Variants in MPPED2 observed in about 807,000 individuals in gnomAD.
The protein encoded by MPPED2 is metallophosphoesterase domain containing 2.
A neutral mutation model predicts 33.0 loss-of-function variants in MPPED2; 5 were observed. The observed-to-expected ratio is 0.15, with a 90% CI of 0.08 to 0.32. The LOEUF (loss-of-function observed/expected upper bound fraction) is 0.32, where lower values mean the gene tolerates loss of function less well. Among genes scored for constraint, MPPED2 ranks in the 10% least tolerant of loss-of-function variants. MPPED2 has a pLI of 1.00. For synonymous variants in MPPED2, 136 were observed against 141.9 expected, an observed-to-expected ratio of 0.96 and a Z score of 0.29; for missense variants, 275 against 372.1, an observed-to-expected ratio of 0.74 and a Z score of 2.15.
chr11:30,492,137 T>G (rs765601334), intron 4 of MPPED2, among the ~76,000 whole-genome samples: 1 of 152,234 alleles, frequency 6.6e-6, no homozygotes, highest in East Asian at 1.9e-4. Context: ...GATATAAACT[T>G]TGTCTGCAGT....
At chr11:30,521,617 T>C (rs1953882003) in intron 3 of MPPED2, among the ~76,000 whole-genome samples, 2 of 152,252 alleles carry the variant, frequency 1.3e-5, no homozygotes, top group Admixed American at 1.3e-4. Flanking sequence ...TTAAAATTAA[T>C]CAGGACACCA....
At chr11:30,546,410 C>T (rs542586357) in intron 2 of MPPED2, among the ~76,000 whole-genome samples, 2 of 152,238 alleles carry the variant, frequency 1.3e-5, no homozygotes, top group Non-Finnish European at 2.9e-5. Flanking sequence ...CTGACCCTAA[C>T]TGACTCTACA....
chr11:30,537,178 G>A (rs900995966), intron 2 of MPPED2, among the ~76,000 whole-genome samples: 33 of 152,138 alleles, frequency 2.2e-4, no homozygotes, highest in African/African-American at 6.8e-4. Flanking sequence ...GGGGTTTGTC[G>A]CAGAGTTAAG....
At chr11:30,582,564 A>G (rs746490810) in intron 1 of MPPED2, among the ~76,000 whole-genome samples, 40 of 152,214 alleles carry the variant, frequency 2.6e-4, no homozygotes, top group Non-Finnish European at 5.4e-4. Context: ...GAGTAAACAC[A>G]CTAATTAAAC....
At position 30,451,773 on chromosome 11, in the gene MPPED2, AG is replaced by A. The variant is rs375897634; in HGVS notation, c.537-34141del. 43 of 985,246 alleles carry A rather than the reference AG, an allele frequency of 4.4e-5. No individual in the cohort carries two copies. The African/African-American group carries it at 5.9e-4, about 14-fold the overall frequency. 61.0% of individuals were successfully genotyped at this position (985,246 alleles called of 1,614,324 possible). On this transcript the variant is annotated intron_variant, in intron 4 of 6. Coordinates refer to ENST00000358117, the MANE Select transcript of MPPED2 (RefSeq NM_001584.3). ...ATTATTATGCAATTTGAGGGGTGGG[AG>A]GGGACATTTTCAGGTGTCTGCGAAT...
intron 6 of MPPED2, among the ~76,000 whole-genome samples, chr11:30,411,888 C>T (rs1590170730): frequency 6.6e-6 from 1 of 151,550 alleles, no homozygotes; most frequent in African/African-American, 2.4e-5. Flanking sequence ...TTTTTTCCTC[C>T]TTTTAAAATA....
At chr11:30,486,370 C>G (rs541542624) in intron 4 of MPPED2, among the ~76,000 whole-genome samples, 60 of 152,306 alleles carry the variant, frequency 3.9e-4, no homozygotes, top group African/African-American at 1.4e-3. Flanking sequence ...ACAGAATCTA[C>G]ACGACGCTAA....
intron 4 of MPPED2, among the ~76,000 whole-genome samples, chr11:30,488,232 A>T (rs972504118): frequency 1.3e-5 from 2 of 152,342 alleles, no homozygotes; most frequent in African/African-American, 4.8e-5. Flanking sequence ...TGGTTAAAGA[A>T]TTGTTGTGAG....
chr11:30,434,299 C>T (rs1391353386), intron 4 of MPPED2, among the ~76,000 whole-genome samples: 6 of 152,100 alleles, frequency 3.9e-5, no homozygotes, highest in African/African-American at 7.2e-5. Context: ...ATCCAGAATT[C>T]GCAGGGGAAG....
At chr11:30,480,144 G>C (rs907990817) in intron 4 of MPPED2, among the ~76,000 whole-genome samples, 2 of 152,096 alleles carry the variant, frequency 1.3e-5, no homozygotes, top group African/African-American at 4.8e-5. Context: ...GGGTGAAAGA[G>C]CCACAAAGCC....
chr11:30,535,011 C>T (rs945579571), intron 3 of MPPED2, among the ~76,000 whole-genome samples: 3 of 152,108 alleles, frequency 2.0e-5, no homozygotes, highest in Non-Finnish European at 2.9e-5. Context: ...GTCAACCATA[C>T]AAAATGTGAA....
chr11:30,443,934 T>C (rs1289709340), intron 4 of MPPED2, among the ~76,000 whole-genome samples: 2 of 152,220 alleles, frequency 1.3e-5, no homozygotes, highest in Non-Finnish European at 2.9e-5. Flanking sequence ...GATGAATGGA[T>C]GAATGCAAAT....
chr11:30,577,053 G>T (rs965363035), intron 2 of MPPED2, among the ~76,000 whole-genome samples: 3 of 152,110 alleles, frequency 2.0e-5, no homozygotes, highest in African/African-American at 7.2e-5. Flanking sequence ...TGGGGACTGG[G>T]TCTTATTTAT....
At chr11:30,384,134 T>C (rs1662781924), downstream of MPPED2, among the ~76,000 whole-genome samples, 1 of 146,342 alleles carries the variant, frequency 6.8e-6, no homozygotes, top group Non-Finnish European at 1.5e-5. Flanking sequence ...TATTACATGC[T>C]AGATATCATG....
chr11:30,554,780 T>C (rs968441189), intron 2 of MPPED2, among the ~76,000 whole-genome samples: 2 of 152,068 alleles, frequency 1.3e-5, no homozygotes, highest in Non-Finnish European at 2.9e-5. Context: ...CAGGCATGAG[T>C]CACCATGCCC....
chr11:30,455,490 T>C (rs1292292658), intron 4 of MPPED2, among the ~76,000 whole-genome samples: 1 of 152,254 alleles, frequency 6.6e-6, no homozygotes, highest in South Asian at 2.1e-4. Flanking sequence ...AATAGTTCTA[T>C]TTTTATTATT....
chr11:30,415,545 A>G lies in MPPED2; in HGVS notation c.653-1204T>C, dbSNP rs543680000. Among the ~76,000 whole-genome samples the G allele has an allele frequency of 9.9e-5, 15 of 152,268 alleles. No homozygotes were observed. In the South Asian group the frequency reaches 1.0e-3, roughly 11 times the overall value. ...GGCCAGTCTCTCCACTCCCCTCTCC[A>G]ATGTCACGTTTTCACAAGAATCCCA... is the stretch of plus-strand genomic sequence containing the variant. On this transcript the variant is annotated intron_variant, in intron 5 of 6. Coordinates refer to ENST00000358117, the MANE Select transcript of MPPED2 (RefSeq NM_001584.3).
chr11:30,484,667 A>G (rs1238538244), intron 4 of MPPED2, among the ~76,000 whole-genome samples: 1 of 152,168 alleles, frequency 6.6e-6, no homozygotes, highest in Non-Finnish European at 1.5e-5. Context: ...CATGTAAGTG[A>G]CCTTCAAAAT....
chr11:30,451,833 C>G (rs909381370), intron 4 of MPPED2: 33 of 985,140 alleles, frequency 3.3e-5, no homozygotes, highest in Non-Finnish European at 3.9e-5. Flanking sequence ...TGACAGGCTG[C>G]GGTGGGAAGT....
Sources: gnomAD v4.1 joint callset for allele counts (sites outside exome capture counted in the v4.1 genomes callset) on GRCh38, gnomAD v4.1.1 for gene constraint, MANE v1.5 for transcripts, NCBI Gene and HGNC (gene_info 2026-07-23, HGNC 2026-07-21) for gene names.